The following TNS1 variants were observed in gnomAD, a reference collection of about 807,000 sequenced individuals.
TNS1 encodes the protein tensin-1.
A neutral mutation model predicts 168.6 loss-of-function variants in TNS1; 62 were observed. The ratio of observed to expected loss-of-function variants is 0.37; its 90% confidence interval spans 0.30 to 0.45. The LOEUF is 0.45. Among genes scored for constraint, TNS1 ranks in the 20% least tolerant of loss-of-function variants. The probability of loss-of-function intolerance (pLI) is 1.00; values close to 1 mark genes in which losing one functional copy is unlikely to be tolerated. For missense variants in TNS1, 2,240 were observed against 2,339.4 expected (o/e 0.96, Z 0.88); for synonymous variants, 934 against 933.2 (o/e 1.00, Z -0.02).
intron 18 of TNS1, among the ~76,000 whole-genome samples, chr2:217,876,449 G>A (rs908016075): frequency 6.6e-6 from 1 of 152,190 alleles, no homozygotes; most frequent in Non-Finnish European, 1.5e-5. Context: ...ACTGGAGAGA[G>A]GCAGAGGTGC....
intron 17 of TNS1, 130 bp from the exon 18 acceptor site, chr2:217,881,144 C>A: frequency 1.5e-6 from 1 of 655,088 alleles, no homozygotes; most frequent in Non-Finnish European, 2.7e-6. Context: ...TTCTCATTTT[C>A]TTGAGCGTGG....
rs188221054 is a variant in TNS1, at chr2:217,920,322, C to G, written c.187-86G>C. 181 of 699,016 alleles carry G rather than the reference C, an allele frequency of 2.6e-4. 1 individual carries two copies. The highest frequency in any genetic ancestry group is 1.9e-3 in the East Asian group (71 of 37,192). 43.3% of individuals were successfully genotyped at this position (699,016 alleles called of 1,614,324 possible). A position where few individuals can be genotyped will look rare whatever the true frequency, so the allele number is the denominator to read the frequency against. On this transcript the variant is annotated intron_variant, in intron 3 of 32. Coordinates refer to ENST00000682258, the MANE Select transcript of TNS1 (RefSeq NM_001387777.1). ...CTCCTGAGGTCACCCCACACCTCCCCCTGCTTCATTCCCTCACACGGGCTG... is the reference window on the plus strand; with the variant it reads ...CTCCTGAGGTCACCCCACACCTCCCGCTGCTTCATTCCCTCACACGGGCTG...
At chr2:217,833,457 G>A (rs1210566893) in intron 21 of TNS1, among the ~76,000 whole-genome samples, 2 of 152,224 alleles carry the variant, frequency 1.3e-5, no homozygotes. Flanking sequence ...ACTTCTCACC[G>A]AGGTACCCAT....
At chr2:217,828,026 G>A (rs1021314021) in intron 22 of TNS1, among the ~76,000 whole-genome samples, 4 of 152,308 alleles carry the variant, frequency 2.6e-5, no homozygotes, top group South Asian at 2.1e-4. Flanking sequence ...TGCGTGGTCC[G>A]GCATCTGAAG....
At chr2:217,851,490 C>T (rs891078803) in intron 18 of TNS1, among the ~76,000 whole-genome samples, 3 of 151,722 alleles carry the variant, frequency 2.0e-5, no homozygotes, top group African/African-American at 7.3e-5. Context: ...GGACTGGATG[C>T]CCTCCTCATT....
intron 3 of TNS1, among the ~76,000 whole-genome samples, chr2:217,974,145 G>T (rs1003795216): frequency 6.6e-6 from 1 of 152,200 alleles, no homozygotes; most frequent in Non-Finnish European, 1.5e-5. Flanking sequence ...TGACTTGAAG[G>T]AACATAAGGG....
intron 23 of TNS1, among the ~76,000 whole-genome samples, chr2:217,820,541 G>T (rs573605694): frequency 1.3e-5 from 2 of 152,098 alleles, no homozygotes; most frequent in Non-Finnish European, 2.9e-5. Flanking sequence ...CAGCAAACTG[G>T]ACCCACTGGG....
chr2:217,906,344 G>C lies in TNS1; in HGVS notation c.312C>G (p.Leu104=), dbSNP rs370334947. The change falls in exon 6 of 33, where the codon CTC becomes CTG. Residue 104 remains leucine (L), a synonymous_variant. Transcript: ENST00000682258. The stretch of plus-strand genomic sequence containing the variant: ...CCCCATCCACACTCACGTTGTCCTC[G>C]AGGCTTTTCCGTGTGTTTCCACCCC... The part of the protein sequence containing the change: ...ASRGGNTRKS[L]EDNGSTRVTP... 445 of 677,532 alleles carry C rather than the reference G, an allele frequency of 6.6e-4. 2 individuals are homozygous for C. The highest frequency in any genetic ancestry group is 1.0e-3 in the Non-Finnish European group (379 of 372,458). The allele number at this position is 677,532 out of a possible 1,614,324, so 42.0% of individuals were successfully genotyped here.
At chr2:217,878,343 C>T (rs1950378755) in intron 18 of TNS1, among the ~76,000 whole-genome samples, 1 of 152,160 alleles carries the variant, frequency 6.6e-6, no homozygotes, top group African/African-American at 2.4e-5. Context: ...ACCAGATGCC[C>T]AAAGCAGGCC....
At chr2:217,895,148 G>A in intron 8 of TNS1, 92 bp from the exon 9 acceptor site, 1 of 1,307,724 alleles carries the variant, frequency 7.6e-7, no homozygotes, top group East Asian at 2.5e-5. Context: ...TCCCAGAAAG[G>A]ACCGTGGCAT....
chr2:217,874,088 G>A (rs1352177418), intron 18 of TNS1, among the ~76,000 whole-genome samples: 2 of 150,434 alleles, frequency 1.3e-5, no homozygotes, highest in Non-Finnish European at 3.0e-5. Flanking sequence ...CAAGGGGGAG[G>A]AGCAAGTTCA....
At position 217,804,256 on chromosome 2, in the gene TNS1, T is replaced by TTCTCTA. The variant is rs1937961370; in HGVS notation, c.*202_*203insTAGAGA. ...GAATCCAAGTTCTTCTCCTCCATCTTTCTCTCTCTCTCTCTCTCTCTCTCT... is the reference window on the plus strand; with the variant it reads ...GAATCCAAGTTCTTCTCCTCCATCTTTCTCTATCTCTCTCTCTCTCTCTCTCTCTCT... On this transcript the variant is annotated 3_prime_UTR_variant, in exon 33 of 33. Transcript: ENST00000682258. 2 of 395,122 alleles carry TTCTCTA rather than the reference T, an allele frequency of 5.1e-6. No individual in the cohort carries two copies. The highest frequency in any genetic ancestry group is 4.6e-5 in the African/African-American group (2 of 43,648). 24.5% of individuals were successfully genotyped at this position (395,122 alleles called of 1,614,324 possible).
In TNS1 at chr2:217,817,921, C is replaced by A; in HGVS notation, c.4411G>T (p.Ala1471Ser). The A allele has an allele frequency of 6.2e-7, 1 of 1,613,238 alleles. No individual in the cohort carries two copies. Among genetic ancestry groups the A allele is most frequent in the Non-Finnish European group, 8.5e-7 (1 of 1,179,642 alleles). ...PAYYPGLSSP[A>S]TSPSPDSAAF... ...GCGGAGTCTGGTGACGGGGAGGTGG[C>A]AGGGCTGCTCAGGCCAGGGTAGTAG... Residue 1471 changes from alanine (A) to serine (S), a missense_variant, in exon 24 of 33, where the codon GCC becomes TCC. By Grantham distance (99) the Ala-to-Ser change is moderately conservative. This residue lies in a region of TNS1 where 2,131 missense variants were observed against 2,171.2 expected (regional missense o/e 0.98). Transcript: ENST00000682258.
chr2:217,866,618 T>C (rs1173836461), intron 18 of TNS1, among the ~76,000 whole-genome samples: 2 of 152,208 alleles, frequency 1.3e-5, no homozygotes, highest in Admixed American at 1.3e-4. Flanking sequence ...ACTTAATCCC[T>C]GGAGCAAGCT....
intron 3 of TNS1, among the ~76,000 whole-genome samples, chr2:217,934,759 G>T (rs945702339): frequency 1.9e-4 from 29 of 152,258 alleles, no homozygotes; most frequent in Non-Finnish European, 2.1e-4. Flanking sequence ...CAATTCCAGT[G>T]CTGGAAGGAC....
rs1008369422 is a variant in TNS1 at position 217,848,049 on chromosome 2, C to T, written c.2468G>A (p.Arg823Gln). Residue 823 changes from arginine to glutamine, a missense_variant, in exon 19 of 33, where the codon CGA (arginine) becomes CAA (glutamine). By Grantham distance (43) the Arg-to-Gln change is conservative. Coordinates refer to ENST00000682258, the MANE Select transcript of TNS1 (RefSeq NM_001387777.1). The stretch of plus-strand genomic sequence containing the variant: ...TTCAATCTCCTGCTGGGAGGCTGCT[C>T]GCGGGAACTCAGGGAGACTGGGGAT... ...TPIPSLPEFP[R>Q]AASQQEIEQS... 2.2e-5 allele frequency: 34 copies of T among 1,528,606 alleles called. No individual in the cohort carries two copies. The highest frequency in any genetic ancestry group is 2.9e-5 in the Non-Finnish European group (33 of 1,137,840). The allele number at this position is 1,528,606 out of a possible 1,614,324, so 94.7% of individuals were successfully genotyped here.
intron 11 of TNS1, 52 bp from the exon 12 acceptor site, chr2:217,891,097 G>A (rs372455308): frequency 2.9e-5 from 46 of 1,589,800 alleles, no homozygotes; most frequent in African/African-American, 2.8e-4. Context: ...TCCAAGAGCC[G>A]CTTGTTTTCC....
chr2:217,931,052 G>C (rs2125903360), intron 3 of TNS1, among the ~76,000 whole-genome samples: 1 of 152,316 alleles, frequency 6.6e-6, no homozygotes, highest in East Asian at 1.9e-4. Flanking sequence ...CCCACTGAGT[G>C]CCCCTCCATG....
At chr2:218,010,459 G>C (rs1160094134), upstream of TNS1, 1 of 353,718 alleles carries the variant, frequency 2.8e-6, no homozygotes, top group African/African-American at 2.1e-5. Context: ...GGGCAGCAGG[G>C]GGCTTACACC....
Sources: allele counts gnomAD v4.1 joint callset (sites outside exome capture counted in the v4.1 genomes callset), GRCh38; gene constraint gnomAD v4.1.1; regional missense constraint gnomAD v4.1.1; transcripts MANE v1.5; gene names NCBI Gene and HGNC (gene_info 2026-07-23, HGNC 2026-07-21).